ARHGAP26: variants seen among roughly 807,000 people sequenced by gnomAD.
ARHGAP26 encodes rho GTPase-activating protein 26.
A neutral mutation model predicts 104.8 loss-of-function variants in ARHGAP26; 38 were observed. The observed-to-expected ratio is 0.36, with a 90% confidence interval of 0.28 to 0.48. The LOEUF (loss-of-function observed/expected upper bound fraction) is 0.48, where lower values mean the gene tolerates loss of function less well. ARHGAP26 is among the 20% of genes least tolerant of loss of function. The probability of loss-of-function intolerance (pLI) is 0.99; values close to 1 mark genes in which losing one functional copy is unlikely to be tolerated. For synonymous variants in ARHGAP26, 341 were observed against 340.0 expected (o/e 1.00, Z -0.03); for missense variants, 704 against 947.9 (o/e 0.74, Z 3.38).
chr5:142,934,138 C>G lies in ARHGAP26; in HGVS notation c.1107+2013C>G, dbSNP rs371077898. Among the ~76,000 whole-genome samples, 185 of 152,280 alleles carry G rather than the reference C, an allele frequency of 1.2e-3. 3 individuals are homozygous for G. In the South Asian group the frequency reaches 0.025, roughly 21 times the overall value. ...CAATAAGCTGGAGTTCTAAAACTGC[C>G]TCACCAATTAATTCCATTTTAAGTC... On this transcript the variant is annotated intron_variant, in intron 11 of 22. Transcript: ENST00000645722.
At chr5:143,131,045 T>C (rs1797289409) in intron 18 of ARHGAP26, among the ~76,000 whole-genome samples, 1 of 152,232 alleles carries the variant, frequency 6.6e-6, no homozygotes, top group African/African-American at 2.4e-5. Context: ...CCCTTGGGAC[T>C]ATGGCTCTTG....
At chr5:142,879,675 T>G (rs1242412972) in intron 4 of ARHGAP26, among the ~76,000 whole-genome samples, 2 of 152,260 alleles carry the variant, frequency 1.3e-5, no homozygotes, top group African/African-American at 2.4e-5. Flanking sequence ...TGGTATTTTG[T>G]TACCTCATTG....
intron 18 of ARHGAP26, among the ~76,000 whole-genome samples, chr5:143,125,581 G>A (rs1444880294): frequency 6.6e-6 from 1 of 152,212 alleles, no homozygotes; most frequent in African/African-American, 2.4e-5. Flanking sequence ...TCCTAGATTA[G>A]GAGGAGACAG....
chr5:142,817,863 C>T (rs1049356935), intron 1 of ARHGAP26, among the ~76,000 whole-genome samples: 15 of 152,170 alleles, frequency 9.9e-5, no homozygotes, highest in African/African-American at 3.1e-4. Flanking sequence ...CTTAAAATTC[C>T]TGGACAGAAC....
intron 21 of ARHGAP26, among the ~76,000 whole-genome samples, chr5:143,213,277 C>T (rs1245533620): frequency 6.6e-6 from 1 of 152,182 alleles, no homozygotes; most frequent in Non-Finnish European, 1.5e-5. Context: ...ATTCAACGGA[C>T]ATGAGAAAAG....
chr5:143,209,559 T>C (rs1320581076), intron 21 of ARHGAP26, among the ~76,000 whole-genome samples: 1 of 151,836 alleles, frequency 6.6e-6, no homozygotes, highest in Non-Finnish European at 1.5e-5. Flanking sequence ...GGTGGGGAGA[T>C]CACCCGAGGT....
At chr5:142,965,250 C>T (rs892482963) in intron 11 of ARHGAP26, among the ~76,000 whole-genome samples, 6 of 152,214 alleles carry the variant, frequency 3.9e-5, no homozygotes, top group Non-Finnish European at 7.3e-5. Context: ...GACGGTTAGG[C>T]CTCCGGATAA....
chr5:143,068,534 G>C (rs1350187323), intron 17 of ARHGAP26, among the ~76,000 whole-genome samples: 1 of 152,192 alleles, frequency 6.6e-6, no homozygotes, highest in Non-Finnish European at 1.5e-5. Context: ...CGTTGGATCT[G>C]TAAGGACTTG....
At chr5:142,971,068 T>C (rs1482105774) in intron 11 of ARHGAP26, among the ~76,000 whole-genome samples, 1 of 152,208 alleles carries the variant, frequency 6.6e-6, no homozygotes, top group Admixed American at 6.5e-5. Context: ...TAAGTAAATT[T>C]GAAGACTGAG....
intron 11 of ARHGAP26, among the ~76,000 whole-genome samples, chr5:143,011,738 A>G (rs1778788807): frequency 6.6e-6 from 1 of 152,188 alleles, no homozygotes; most frequent in Non-Finnish European, 1.5e-5. Flanking sequence ...TATAGATGAT[A>G]AAGATGCTGC....
chr5:142,855,509 T>C (rs1752208124), intron 1 of ARHGAP26, among the ~76,000 whole-genome samples: 1 of 152,216 alleles, frequency 6.6e-6, no homozygotes, highest in African/African-American at 2.4e-5. Flanking sequence ...TGCCCATCAT[T>C]ATTGACTGCC....
At chr5:142,802,094 A>G (rs1194362781) in intron 1 of ARHGAP26, among the ~76,000 whole-genome samples, 1 of 152,240 alleles carries the variant, frequency 6.6e-6, no homozygotes, top group South Asian at 2.1e-4. Context: ...GGTACCTTTT[A>G]TATGAATGAG....
At position 142,885,005 on chromosome 5, in the gene ARHGAP26, G is replaced by T. The variant is rs552621072; in HGVS notation, c.385-293G>T. ...TGGCCTTGAATATCCTTGTGAGTTA[G>T]AAAGTAGAAATTTCTGTTTCACAAA... On this transcript the variant is annotated intron_variant, in intron 4 of 22. Coordinates refer to ENST00000645722, the MANE Select transcript of ARHGAP26 (RefSeq NM_001135608.3). 7.9e-5 allele frequency among the ~76,000 whole-genome samples: 12 copies of T among 152,306 alleles called. No individual in the cohort carries two copies. In the South Asian group the frequency reaches 2.1e-3, roughly 26 times the overall value.
chr5:142,770,903 A>G lies in ARHGAP26; in HGVS notation c.142A>G (p.Ser48Gly). 6.2e-7 allele frequency: 1 copy of G among 1,607,782 alleles called. No homozygotes were observed. Among genetic ancestry groups the G allele is most frequent in the Non-Finnish European group, 8.5e-7 (1 of 1,176,730 alleles). ...ELIKDGKSLI[S>G]ALKNLSSAKR... ...CATCAAGGACGGGAAGTCACTCATA[A>G]GCGCGCTCAAGAGTGAGTGTCCCGA... Residue 48 changes from serine to glycine, a missense_variant, in exon 1 of 23, where the codon AGC becomes GGC. Physicochemically the swap from Ser to Gly is moderately conservative, Grantham distance 56. Around this residue, in one of 6 missense-constraint regions of ARHGAP26, gnomAD observed 77 missense variants for 82.6 expected, o/e 0.93. Transcript: ENST00000645722.
intron 12 of ARHGAP26, among the ~76,000 whole-genome samples, chr5:143,015,610 G>A (rs1218237642): frequency 6.6e-6 from 1 of 152,138 alleles, no homozygotes; most frequent in Non-Finnish European, 1.5e-5. Context: ...GGAAATCAGG[G>A]AAGCCATCAG....
intron 22 of ARHGAP26, among the ~76,000 whole-genome samples, chr5:143,219,141 G>A (rs1244979522): frequency 9.2e-5 from 14 of 152,208 alleles, no homozygotes; most frequent in Non-Finnish European, 1.6e-4. Context: ...CAGTGGGAAG[G>A]GAGTTGGTCT....
chr5:143,218,395 TGTCTAGCAC>T (rs1480426112), intron 22 of ARHGAP26, among the ~76,000 whole-genome samples: 6 of 152,252 alleles, frequency 3.9e-5, no homozygotes, highest in Non-Finnish European at 5.9e-5. Flanking sequence ...CCTAGCATGG[TGTCTAGCAC>T]GTGGTAGGTG....
intron 22 of ARHGAP26, chr5:143,216,515 A>G (rs1599561389): frequency 2.5e-5 from 8 of 323,490 alleles, no homozygotes; most frequent in South Asian, 2.0e-4. Context: ...GCAAACTATG[A>G]CCTGCCCGTC....
chr5:143,207,673 A>G (rs911772730), intron 21 of ARHGAP26, among the ~76,000 whole-genome samples: 5 of 152,314 alleles, frequency 3.3e-5, no homozygotes, highest in African/African-American at 1.2e-4. Flanking sequence ...TGGTGCCTAG[A>G]GTTAGGGGAA....
Sources: allele counts gnomAD v4.1 joint callset (sites outside exome capture counted in the v4.1 genomes callset), GRCh38; gene constraint gnomAD v4.1.1; regional missense constraint gnomAD v4.1.1; transcripts MANE v1.5; gene names NCBI Gene and HGNC (gene_info 2026-07-23, HGNC 2026-07-21).